The following LGR4 variants were observed in gnomAD, a reference collection of about 807,000 sequenced individuals.
LGR4 encodes the protein leucine-rich repeat-containing G protein-coupled receptor 4.
Under a neutral mutation model 84.8 loss-of-function variants are expected in LGR4, and 44 were observed. The observed-to-expected ratio is 0.52, with a 90% CI of 0.41 to 0.67. The LOEUF (loss-of-function observed/expected upper bound fraction) is 0.67. Among genes scored for constraint, LGR4 ranks in the 30% least tolerant of loss-of-function variants. The pLI is 0.00. For missense variants in LGR4, 1,032 were observed against 1,131.4 expected, an observed-to-expected ratio of 0.91 and a Z score of 1.26; for synonymous variants, 429 against 434.3, an observed-to-expected ratio of 0.99 and a Z score of 0.15.
chr11:27,427,998 G>A (rs192817999), intron 1 of LGR4, among the ~76,000 whole-genome samples: 162 of 152,292 alleles, frequency 1.1e-3, no homozygotes, highest in African/African-American at 3.7e-3. Flanking sequence ...CATTAGGTGA[G>A]TAGCTTCAGT....
chr11:27,396,297 A>T (rs951203272), intron 2 of LGR4, among the ~76,000 whole-genome samples: 4 of 152,222 alleles, frequency 2.6e-5, no homozygotes, highest in Non-Finnish European at 5.9e-5. Context: ...CTGAGTATCA[A>T]TAGATGTCAC....
intron 1 of LGR4, among the ~76,000 whole-genome samples, chr11:27,422,498 A>ATT (rs1452174155): frequency 6.6e-6 from 1 of 152,222 alleles, no homozygotes; most frequent in Non-Finnish European, 1.5e-5. Context: ...AAATGCCAGA[A>ATT]TGCATCAAAT....
intron 1 of LGR4, among the ~76,000 whole-genome samples, chr11:27,442,780 G>A (rs1864325499): frequency 6.6e-6 from 1 of 152,180 alleles, no homozygotes; most frequent in East Asian, 1.9e-4. Flanking sequence ...GTAGAGAGAA[G>A]ACAGTTATTT....
Position 27,366,906 on chromosome 11 carries a change from C to T in LGR4, c.*961G>A, listed in dbSNP as rs570175930. ...TTCGTGTCATAATTACTCCCCGTTTCGTCTAATTAAATGCAAGTATTGACC... is the reference window on the plus strand; with the variant it reads ...TTCGTGTCATAATTACTCCCCGTTTTGTCTAATTAAATGCAAGTATTGACC... On this transcript the variant is annotated 3_prime_UTR_variant, in exon 18 of 18. Coordinates refer to ENST00000379214, the MANE Select transcript of LGR4 (RefSeq NM_018490.5). 2.6e-5 allele frequency: 4 copies of T among 152,114 alleles called. No homozygotes were observed. The highest frequency in any genetic ancestry group is 7.2e-5 in the African/African-American group (3 of 41,410). 9.4% of individuals were successfully genotyped at this position (152,114 alleles called of 1,614,324 possible).
intron 10 of LGR4, 74 bp downstream of exon 10, chr11:27,380,197 A>T: frequency 1.1e-6 from 1 of 906,044 alleles, no homozygotes. Flanking sequence ...ATTGTCACTA[A>T]AAGACCCTGG....
chr11:27,371,543 C>A (rs878892758), intron 17 of LGR4, 72 bp downstream of exon 17: 1 of 1,040,570 alleles, frequency 9.6e-7, no homozygotes, highest in Non-Finnish European at 1.5e-6. Context: ...ACATCTATAC[C>A]CAGGACATTT....
chr11:27,370,551 C>T (rs1211883437), intron 17 of LGR4, among the ~76,000 whole-genome samples: 1 of 152,236 alleles, frequency 6.6e-6, no homozygotes, highest in African/African-American at 2.4e-5. Flanking sequence ...GCTTCTGCAG[C>T]AAGCACATCA....
chr11:27,402,813 C>G (rs916782665), intron 2 of LGR4, among the ~76,000 whole-genome samples: 1 of 152,132 alleles, frequency 6.6e-6, no homozygotes, highest in African/African-American at 2.4e-5. Context: ...CCTACTTCAT[C>G]CTATCTACTG....
At chr11:27,398,121 T>C (rs992905836) in intron 2 of LGR4, among the ~76,000 whole-genome samples, 1 of 152,188 alleles carries the variant, frequency 6.6e-6, no homozygotes, top group South Asian at 2.1e-4. Flanking sequence ...AAAGCAAGAA[T>C]TTTCAATAAT....
At chr11:27,381,724 C>A (rs540052803) in intron 7 of LGR4, among the ~76,000 whole-genome samples, 3 of 151,818 alleles carry the variant, frequency 2.0e-5, no homozygotes. Context: ...AAAATAAAAA[C>A]AAAAATGCTC....
intron 5 of LGR4, 37 bp downstream of exon 5, chr11:27,385,216 A>G (rs763800022): frequency 7.2e-7 from 1 of 1,385,474 alleles, no homozygotes; most frequent in African/African-American, 1.5e-5. Flanking sequence ...ACCCCAATTA[A>G]CACAAATATA....
intron 1 of LGR4, among the ~76,000 whole-genome samples, chr11:27,459,445 T>C (rs1026186008): frequency 6.6e-6 from 1 of 152,092 alleles, no homozygotes; most frequent in Non-Finnish European, 1.5e-5. Context: ...AATTCTGGAA[T>C]GCCACCTCAG....
At chr11:27,468,780 C>G (rs981774218) in intron 1 of LGR4, among the ~76,000 whole-genome samples, 3 of 152,048 alleles carry the variant, frequency 2.0e-5, no homozygotes, top group Non-Finnish European at 4.4e-5. Flanking sequence ...ATCAAGGACT[C>G]AGGTCCACCA....
intron 2 of LGR4, among the ~76,000 whole-genome samples, chr11:27,398,235 G>A (rs539353630): frequency 6.6e-6 from 1 of 152,330 alleles, no homozygotes; most frequent in East Asian, 1.9e-4. Context: ...TGGGGCACTG[G>A]TCAAGGGTGT....
At chr11:27,372,949 T>C (rs1421580657) in intron 15 of LGR4, 1 of 152,482 alleles carries the variant, frequency 6.6e-6, no homozygotes, top group East Asian at 1.9e-4. Flanking sequence ...AGCCTAGAAC[T>C]CCCAGGCTGA....
intron 2 of LGR4, among the ~76,000 whole-genome samples, chr11:27,406,052 C>T (rs897279580): frequency 6.6e-6 from 1 of 152,102 alleles, no homozygotes; most frequent in African/African-American, 2.4e-5. Context: ...TTCAAAATTG[C>T]AACCAAACCA....
intron 1 of LGR4, among the ~76,000 whole-genome samples, chr11:27,456,754 TAAAAA>T (rs921203319): frequency 3.3e-5 from 5 of 152,164 alleles, no homozygotes; most frequent in African/African-American, 1.2e-4. Context: ...CAAGTATGTA[TAAAAA>T]GCAAAAAGAC....
At chr11:27,384,465 A>C in intron 5 of LGR4, 58 bp from the exon 6 acceptor site, 1 of 1,136,590 alleles carries the variant, frequency 8.8e-7, no homozygotes. Context: ...AACTATTATC[A>C]TTGTTTTATA....
At chr11:27,416,418 G>A (rs1427314904) in intron 1 of LGR4, among the ~76,000 whole-genome samples, 1 of 152,122 alleles carries the variant, frequency 6.6e-6, no homozygotes, top group South Asian at 2.1e-4. Flanking sequence ...AAAATGTCAG[G>A]TCATGTATAA....
Sources: gnomAD v4.1 joint callset for allele counts (sites outside exome capture counted in the v4.1 genomes callset) on GRCh38, gnomAD v4.1.1 for gene constraint, MANE v1.5 for transcripts, NCBI Gene and HGNC (gene_info 2026-07-23, HGNC 2026-07-21) for gene names.